LMOD1: variants seen among roughly 807,000 people sequenced by gnomAD.
LMOD1 encodes leiomodin 1, also known as leiomodin-1.
In LMOD1, 8 loss-of-function variants were observed where a neutral mutation model predicts 36.5. The ratio of observed to expected loss-of-function variants is 0.22; its 90% CI spans 0.13 to 0.40. The LOEUF (loss-of-function observed/expected upper bound fraction) is 0.40. LMOD1 is among the 10% of genes least tolerant of loss of function. LMOD1 has a pLI of 1.00. For missense variants in LMOD1, 630 were observed against 751.1 expected, an observed-to-expected ratio of 0.84 and a Z score of 1.88; for synonymous variants, 284 against 288.7, an observed-to-expected ratio of 0.98 and a Z score of 0.17.
chr1:201,943,550 G>C (rs536230891), intron 1 of LMOD1, among the ~76,000 whole-genome samples: 1 of 152,330 alleles, frequency 6.6e-6, no homozygotes, highest in Non-Finnish European at 1.5e-5. Context: ...TGAGCACCCA[G>C]GGGTTGCTTG....
chr1:201,916,921 G>A (rs926437127), intron 1 of LMOD1, among the ~76,000 whole-genome samples: 2 of 152,198 alleles, frequency 1.3e-5, no homozygotes, highest in Non-Finnish European at 2.9e-5. Context: ...CCAGGGGTCG[G>A]AGTGGCGCAA....
At chr1:201,922,846 A>T (rs1681729317) in intron 1 of LMOD1, among the ~76,000 whole-genome samples, 1 of 151,348 alleles carries the variant, frequency 6.6e-6, no homozygotes, top group Non-Finnish European at 1.5e-5. Flanking sequence ...TTTTTTTGAG[A>T]TGGAGTCTCA....
At chr1:201,903,337 T>C (rs925481980) in intron 1 of LMOD1, among the ~76,000 whole-genome samples, 2 of 152,164 alleles carry the variant, frequency 1.3e-5, no homozygotes, top group Admixed American at 1.3e-4. Flanking sequence ...TGTTCTAGCC[T>C]CCTGCCCTGC....
At position 201,899,765 on chromosome 1, in the gene LMOD1, C is replaced by T. The variant is rs539052785; in HGVS notation, c.1248G>A (p.Thr416=). ...AIFRALLQNN[T]LTELRFHNQR... ...GGTTGTGGAAGCGGAGCTCGGTCAG[C>T]GTGTTGTTCTGGAGGAGGGCCCGGA... The change falls in exon 2 of 3, where the codon ACG becomes ACA. Residue 416 remains threonine, a synonymous_variant. Transcript: ENST00000367288. This position sits in a 1 kb window ranked among gnomAD's most constrained non-coding sequence, Gnocchi z 6.3. 11 of 1,613,872 alleles carry T rather than the reference C, an allele frequency of 6.8e-6. No individual in the cohort carries two copies. In the African/African-American group the frequency reaches 8.0e-5, roughly 12 times the overall value.
chr1:201,900,870 G>C, intron 1 of LMOD1, 119 bp from the exon 2 acceptor site: 1 of 869,434 alleles, frequency 1.2e-6, no homozygotes, highest in Non-Finnish European at 1.7e-6. Context: ...AAGGACAGTT[G>C]TGCTGTTTGG....
At chr1:201,928,467 T>TA (rs1681865571) in intron 1 of LMOD1, among the ~76,000 whole-genome samples, 1 of 152,174 alleles carries the variant, frequency 6.6e-6, no homozygotes, top group Admixed American at 6.5e-5. Flanking sequence ...CATAGCCACA[T>TA]ACCCAAGCAC....
chr1:201,900,579 C>T lies in LMOD1; in HGVS notation c.434G>A (p.Ser145Asn), dbSNP rs1347347707. 12 of 1,613,812 alleles carry T rather than the reference C, an allele frequency of 7.4e-6. No homozygotes were observed. Among genetic ancestry groups the T allele is most frequent in the African/African-American group, 1.3e-5 (1 of 74,910 alleles). The change falls in exon 2 of 3, where the codon AGT becomes AAT. Residue 145 changes from serine (S) to asparagine (N), a missense_variant. By Grantham distance (46) the Ser-to-Asn change is conservative. Transcript: ENST00000367288. ...SRDRDEAGGKSGEKPKEEKII... is the reference protein window; with the variant it reads ...SRDRDEAGGKNGEKPKEEKII... ...CTTCTCCTCCTTGGGCTTCTCGCCACTCTTGCCACCAGCTTCATCTCTGTC... is the reference window on the plus strand; with the variant it reads ...CTTCTCCTCCTTGGGCTTCTCGCCATTCTTGCCACCAGCTTCATCTCTGTC...
At chr1:201,908,040 T>A (rs919744015) in intron 1 of LMOD1, among the ~76,000 whole-genome samples, 1 of 151,970 alleles carries the variant, frequency 6.6e-6, no homozygotes, top group Non-Finnish European at 1.5e-5. Context: ...CCAACAGCAT[T>A]CCTTCAGGCC....
At position 201,946,238 on chromosome 1, in the gene LMOD1, C is replaced by T. The variant is rs1682210358; in HGVS notation, c.103G>A (p.Glu35Lys). ...SPEEMEELEK[E>K]LDVVDPDGSV... ...CCGTCTGGGTCCACCACGTCCAGCT[C>T]CTTCTCCAGCTCCTCCATCTCCTCG... is the stretch of plus-strand genomic sequence containing the variant. The change falls in exon 1 of 3, where the codon GAG (glutamate) becomes AAG (lysine). Residue 35 changes from glutamate (E) to lysine (K), a missense_variant. Glu to Lys is a moderately conservative substitution (Grantham distance 56). Coordinates refer to ENST00000367288, the MANE Select transcript of LMOD1 (RefSeq NM_012134.3). 1.2e-6 allele frequency: 2 copies of T among 1,613,924 alleles called. No individual in the cohort carries two copies. The highest frequency in any genetic ancestry group is 2.7e-5 in the African/African-American group (2 of 74,922).
rs1681265577 is a variant in LMOD1 at position 201,899,903 on chromosome 1, T to C, written c.1110A>G (p.Arg370=). ...VVKLFALANT[R]ADDHVAFAIA... is the part of the protein sequence containing the mutation. ...TGGCAAAGGCCACGTGGTCATCGGC[T>C]CGCGTGTTGGCCAAGGCGAACAGCT... The change falls in exon 2 of 3, where the codon CGA becomes CGG. Residue 370 remains arginine, a synonymous_variant. Transcript: ENST00000367288. The surrounding 1 kb of genome is among the most constrained non-coding windows in gnomAD (Gnocchi z 6.3). The C allele has an allele frequency of 1.2e-6, 2 of 1,613,830 alleles. No individual in the cohort carries two copies. The highest frequency in any genetic ancestry group is 2.2e-5 in the South Asian group (2 of 91,064).
chr1:201,901,506 A>AG (rs1345208043), intron 1 of LMOD1, among the ~76,000 whole-genome samples: 1 of 93,150 alleles, frequency 1.1e-5, no homozygotes, highest in Non-Finnish European at 2.0e-5. Flanking sequence ...CTGTCTCAAA[A>AG]AAAAAATATA....
chr1:201,945,161 A>G (rs1048937538), intron 1 of LMOD1, among the ~76,000 whole-genome samples: 2 of 152,208 alleles, frequency 1.3e-5, no homozygotes, highest in African/African-American at 4.8e-5. Context: ...GTCATACTTC[A>G]TCGGAGGCTA....
chr1:201,938,640 C>T (rs919993006), intron 1 of LMOD1, among the ~76,000 whole-genome samples: 1 of 152,186 alleles, frequency 6.6e-6, no homozygotes, highest in African/African-American at 2.4e-5. Flanking sequence ...ACCTGCCAGT[C>T]TCAGGGACAG....
At chr1:201,927,432 GGC>G (rs1202019012) in intron 1 of LMOD1, among the ~76,000 whole-genome samples, 2 of 152,110 alleles carry the variant, frequency 1.3e-5, no homozygotes, top group East Asian at 3.9e-4. Flanking sequence ...CGGGTGTGGT[GGC>G]GTGTGCCTGT....
chr1:201,938,019 A>G (rs1682045965), intron 1 of LMOD1, among the ~76,000 whole-genome samples: 1 of 151,978 alleles, frequency 6.6e-6, no homozygotes, highest in Non-Finnish European at 1.5e-5. Context: ...GAGGAAACTA[A>G]TGTTCATGGG....
intron 1 of LMOD1, among the ~76,000 whole-genome samples, chr1:201,934,372 C>T (rs561966844): frequency 2.6e-5 from 4 of 152,280 alleles, no homozygotes; most frequent in South Asian, 2.1e-4. Context: ...CACTTATCAA[C>T]CTGGCTGTAT....
Position 201,900,333 on chromosome 1 carries a change from C to T in LMOD1, c.680G>A (p.Arg227His), listed in dbSNP as rs199655500. 579 of 1,585,090 alleles carry T rather than the reference C, an allele frequency of 3.7e-4. 3 individuals are homozygous for T. In the East Asian group the frequency reaches 4.6e-3, roughly 12 times the overall value. The change falls in exon 2 of 3, where the codon CGT (arginine) becomes CAT (histidine). Residue 227 changes from arginine to histidine, a missense_variant. Coordinates refer to ENST00000367288, the MANE Select transcript of LMOD1 (RefSeq NM_012134.3). ...CTCTTTTCTGGTGTCTGTGTTCCTA[C>T]GCTCCCCTTTTACCTTCTCATCATC... The part of the protein sequence containing the change: ...KEDDEKVKGE[R>H]RNTDTRKEGE...
Position 201,924,143 on chromosome 1 carries a change from C to A in LMOD1, c.261+21937G>T, listed in dbSNP as rs1478790613. Reference sequence around the variant, plus strand: ...CATCCTGGCTAACACGGTGAAACCCCATCTCTAATAAAATACCAAAAAAAA... The same window carrying A: ...CATCCTGGCTAACACGGTGAAACCCAATCTCTAATAAAATACCAAAAAAAA... On this transcript the variant is annotated intron_variant, in intron 1 of 2. Transcript: ENST00000367288. Among the ~76,000 whole-genome samples the A allele has an allele frequency of 2.0e-5, 3 of 149,922 alleles. No homozygotes were observed. In the East Asian group the frequency reaches 6.0e-4, roughly 30 times the overall value.
In LMOD1 at chr1:201,922,497, G is replaced by A. The variant is rs377366788; in HGVS notation, c.262-21746C>T. Among the ~76,000 whole-genome samples, 6 of 152,154 alleles carry A rather than the reference G, an allele frequency of 3.9e-5. No homozygotes were observed. In the East Asian group the frequency reaches 1.2e-3, roughly 29 times the overall value. ...AGATCTGAAAGACCACATATTTTACGATTCCATGTACACAAAATGTCCAGA... is the reference window on the plus strand; with the variant it reads ...AGATCTGAAAGACCACATATTTTACAATTCCATGTACACAAAATGTCCAGA... On this transcript the variant is annotated intron_variant, in intron 1 of 2. Transcript: ENST00000367288.
Sources: allele counts gnomAD v4.1 joint callset (sites outside exome capture counted in the v4.1 genomes callset), GRCh38; gene constraint gnomAD v4.1.1; non-coding constraint Gnocchi (gnomAD v3.1); transcripts MANE v1.5; gene names NCBI Gene and HGNC (gene_info 2026-07-23, HGNC 2026-07-21).